Variants in CFAP47 observed in about 807,000 individuals in gnomAD.
CFAP47 encodes the protein cilia- and flagella-associated protein 47.
In CFAP47, 29 loss-of-function variants were observed where a neutral mutation model predicts 148.1. That is an observed-to-expected ratio of 0.20 (90% CI 0.15 to 0.27). CFAP47 has a LOEUF of 0.27. CFAP47 is among the 10% of genes least tolerant of loss of function. The pLI, the probability that CFAP47 is intolerant of heterozygous loss-of-function variation, is 1.00. For synonymous variants in CFAP47, 664 were observed against 577.3 expected, an observed-to-expected ratio of 1.15 and a Z score of -2.15; for missense variants, 1,872 against 1,697.5, an observed-to-expected ratio of 1.10 and a Z score of -1.81.
intron 29 of CFAP47, among the ~76,000 whole-genome samples, chrX:36,076,731 C>A (rs1937865570): frequency 9.0e-6 from 1 of 111,443 alleles, no homozygotes; most frequent in Admixed American, 9.6e-5. Flanking sequence ...TGCAGAAGCC[C>A]TTTAGTTTAA....
chrX:35,980,045 C>A (rs1163277609), intron 15 of CFAP47, among the ~76,000 whole-genome samples: 1 of 111,615 alleles, frequency 9.0e-6, no homozygotes, highest in Admixed American at 9.5e-5. Flanking sequence ...CACCTAAAAT[C>A]TGCTCCCAGA....
intron 21 of CFAP47, among the ~76,000 whole-genome samples, chrX:36,005,996 G>A (rs1055769495): frequency 6.3e-5 from 7 of 110,271 alleles, no homozygotes; most frequent in Non-Finnish European, 9.5e-5. Flanking sequence ...ATTATTTTAA[G>A]GCCAAGTTTA....
At position 36,186,858 on chromosome X, in the gene CFAP47, A is replaced by AT. The variant is rs371900122; in HGVS notation, c.6105-1750dup. 9.8e-3 allele frequency among the ~76,000 whole-genome samples: 1,026 copies of AT among 104,327 alleles called. 5 individuals are homozygous for AT. The highest frequency in any genetic ancestry group is 0.023 in the African/African-American group (667 of 28,958). The allele number at this position is 104,327 out of a possible 115,157, so 90.6% of individuals were successfully genotyped here. A position where few individuals can be genotyped will look rare whatever the true frequency, so the allele number is the denominator to read the frequency against. ...AATATTTCACTGGTTGTTCTACAGT[A>AT]TTTTTTTTTTTTATAATTTTAGCCT... is the stretch of plus-strand genomic sequence containing the variant. On this transcript the variant is annotated intron_variant, in intron 40 of 63. Transcript: ENST00000378653.
intron 60 of CFAP47, among the ~76,000 whole-genome samples, chrX:36,357,681 A>C (rs951935523): frequency 9.0e-6 from 1 of 111,533 alleles, no homozygotes; most frequent in Non-Finnish European, 1.9e-5. Flanking sequence ...TTGCAGTGTC[A>C]CTTCTGTAAG....
chrX:36,157,959 A>G (rs985732972), intron 37 of CFAP47, among the ~76,000 whole-genome samples: 1 of 111,888 alleles, frequency 8.9e-6, no homozygotes, highest in Non-Finnish European at 1.9e-5. Context: ...TTTGCACACA[A>G]TTGAAATTGT....
rs186048274 is a variant in CFAP47 at position 36,211,186 on chromosome X, G to T, written c.6817+6076G>T. ...TGCATTTTTTGTGCAAACTGCTCAG[G>T]AGGAGCACAAGAAGAAACAACTAGA... On this transcript the variant is annotated intron_variant, in intron 45 of 63. Coordinates refer to ENST00000378653, the MANE Select transcript of CFAP47 (RefSeq NM_001304548.2). 1.8e-3 allele frequency: 435 copies of T among 246,692 alleles called. 4 individuals carry two copies. Among genetic ancestry groups the T allele is most frequent in the African/African-American group, 0.012 (408 of 34,252 alleles). 20.3% of individuals were successfully genotyped at this position (246,692 alleles called of 1,213,427 possible).
chrX:36,024,380 C>G (rs6629031), intron 22 of CFAP47, among the ~76,000 whole-genome samples: 27,773 of 110,552 alleles, frequency 0.25, 4,821 homozygotes, highest in African/African-American at 0.61. Context: ...GATCTCTTTG[C>G]AGCTGTGTGC....
chrX:36,266,179 A>G (rs1385745931), intron 49 of CFAP47, among the ~76,000 whole-genome samples: 1 of 108,566 alleles, frequency 9.2e-6, no homozygotes, highest in Non-Finnish European at 1.9e-5. Context: ...CGAGAGCACT[A>G]TGAGTGGGAA....
intron 56 of CFAP47, among the ~76,000 whole-genome samples, chrX:36,316,436 T>C (rs1264470373): frequency 8.9e-6 from 1 of 112,439 alleles, no homozygotes; most frequent in Non-Finnish European, 1.9e-5. Flanking sequence ...GGATTTCTTA[T>C]TACATTGCAA....
intron 33 of CFAP47, among the ~76,000 whole-genome samples, chrX:36,114,795 G>C (rs67631348): frequency 0.14 from 15,668 of 110,884 alleles, 2,359 homozygotes; most frequent in African/African-American, 0.45. Context: ...TTGGCTGAAG[G>C]CTTTCATAGT....
intron 44 of CFAP47, among the ~76,000 whole-genome samples, chrX:36,203,183 G>C (rs983859469): frequency 1.8e-5 from 2 of 111,391 alleles, no homozygotes; most frequent in African/African-American, 6.5e-5. Context: ...GTGCTTCTAA[G>C]AAGTTGATGG....
intron 27 of CFAP47, among the ~76,000 whole-genome samples, chrX:36,069,192 A>G (rs868585418): frequency 9.8e-4 from 108 of 110,641 alleles, no homozygotes; most frequent in African/African-American, 3.5e-3. Flanking sequence ...CAAAATGTAC[A>G]TGACAGAACA....
At chrX:36,295,873 A>G (rs1232479210) in intron 51 of CFAP47, among the ~76,000 whole-genome samples, 1 of 112,149 alleles carries the variant, frequency 8.9e-6, no homozygotes, top group Non-Finnish European at 1.9e-5. Flanking sequence ...TACATTTGAG[A>G]TACTTTCTAC....
chrX:36,135,161 A>G (rs1406439167), intron 33 of CFAP47, among the ~76,000 whole-genome samples: 2 of 110,582 alleles, frequency 1.8e-5, no homozygotes, highest in Non-Finnish European at 3.8e-5. Flanking sequence ...GGAGTGAGGG[A>G]TAAAAGGCTA....
chrX:36,127,394 A>C (rs1453162895), intron 33 of CFAP47, among the ~76,000 whole-genome samples: 1 of 111,598 alleles, frequency 9.0e-6, no homozygotes, highest in Non-Finnish European at 1.9e-5. Context: ...GTTGAAGATC[A>C]GATGGTTGTA....
intron 62 of CFAP47, chrX:36,374,669 T>C (rs1942004774): frequency 3.1e-6 from 1 of 325,616 alleles, no homozygotes; most frequent in East Asian, 5.3e-5. Flanking sequence ...CATTATAAGA[T>C]TTCCTCTTAA....
At chrX:36,320,117 C>T (rs1273336273) in intron 57 of CFAP47, among the ~76,000 whole-genome samples, 10 of 111,544 alleles carry the variant, frequency 9.0e-5, no homozygotes, top group Admixed American at 3.8e-4. Flanking sequence ...TGAGCCACCA[C>T]GCCCAGCCAA....
intron 35 of CFAP47, among the ~76,000 whole-genome samples, chrX:36,142,678 TA>T (rs1939162911): frequency 8.9e-6 from 1 of 111,984 alleles, no homozygotes; most frequent in African/African-American, 3.2e-5. Context: ...TTATTAAATA[TA>T]GTTTCCCATT....
chrX:36,207,682 A>T (rs1359958361), intron 45 of CFAP47, among the ~76,000 whole-genome samples: 1 of 111,198 alleles, frequency 9.0e-6, no homozygotes, highest in African/African-American at 3.3e-5. Context: ...CCCTCCCGCA[A>T]ATTGTGACAA....
Sources: gnomAD v4.1 joint callset for allele counts (sites outside exome capture counted in the v4.1 genomes callset) on GRCh38, gnomAD v4.1.1 for gene constraint, MANE v1.5 for transcripts, NCBI Gene and HGNC (gene_info 2026-07-23, HGNC 2026-07-21) for gene names.